Variants in CEP135 observed in about 807,000 individuals in gnomAD.
CEP135 encodes the protein centrosomal protein 135, also known as centrosomal protein of 135 kDa.
In CEP135, 142 loss-of-function variants were observed where a neutral mutation model predicts 157.3. The observed-to-expected ratio is 0.90, with a 90% CI of 0.79 to 1.04. CEP135 has a LOEUF of 1.04. CEP135 is among the 50% of genes least tolerant of loss of function. CEP135 has a pLI of 0.00. For missense variants in CEP135, 1,317 were observed against 1,309.2 expected, an observed-to-expected ratio of 1.01 and a Z score of -0.09; for synonymous variants, 396 against 439.8, an observed-to-expected ratio of 0.90 and a Z score of 1.25.
rs768158006 is a variant in CEP135, at chr4:55,981,211, C to CCTTTTTTTAATTTAGTGCCT, written c.1627-16_1627-15insCTTTTTTTAATTTAGTGCCT. 15 of 1,558,278 alleles carry CCTTTTTTTAATTTAGTGCCT rather than the reference C, an allele frequency of 9.6e-6. No individual in the cohort carries two copies. In the African/African-American group the frequency reaches 2.0e-4, roughly 20 times the overall value. ...ACTAAAGTGCCTTTTTAATTTATAT[C>CCTTTTTTTAATTTAGTGCCT]TTTTCATTCTTTAAGGCTCAGGAAG... On this transcript the variant is annotated splice_polypyrimidine_tract_variant and intron_variant, in intron 12 of 25. Transcript: ENST00000257287.
intron 12 of CEP135, among the ~76,000 whole-genome samples, chr4:55,980,706 A>G (rs1360612623): frequency 6.6e-6 from 1 of 152,166 alleles, no homozygotes; most frequent in Admixed American, 6.5e-5. Flanking sequence ...GGAAGAGGGA[A>G]TTGGTATTCA....
chr4:55,956,838 T>C (rs965448838), intron 4 of CEP135, among the ~76,000 whole-genome samples: 1 of 152,162 alleles, frequency 6.6e-6, no homozygotes, highest in Non-Finnish European at 1.5e-5. Context: ...GGTCTCGAAC[T>C]CCCAACCTCA....
chr4:55,994,638 C>T (rs1444396597), intron 15 of CEP135, among the ~76,000 whole-genome samples: 1 of 151,934 alleles, frequency 6.6e-6, no homozygotes, highest in African/African-American at 2.4e-5. Flanking sequence ...AGGCTTTTTC[C>T]ACCACATTTT....
In CEP135 at chr4:56,010,839, T is replaced by G. The variant is rs533241181; in HGVS notation, c.2506-573T>G. Among the ~76,000 whole-genome samples, 6 of 152,350 alleles carry G rather than the reference T, an allele frequency of 3.9e-5. No individual in the cohort carries two copies. The South Asian group carries it at 6.2e-4, about 16-fold the overall frequency. ...ATAAAGCATATTGATGAAATATGAA[T>G]GTTTTTTAATGTCAACCCCTGACCA... On this transcript the variant is annotated intron_variant, in intron 19 of 25. Transcript: ENST00000257287.
At chr4:56,004,814 G>T (rs886707723) in intron 17 of CEP135, among the ~76,000 whole-genome samples, 6 of 151,804 alleles carry the variant, frequency 4.0e-5, no homozygotes, top group African/African-American at 1.5e-4. Context: ...TGGGTTTCCT[G>T]TAGGCAGTAT....
Position 55,971,407 on chromosome 4 carries a change from AG to A in CEP135, c.1249+1del. ...AAAAAGTTGAAAGTTTTGCAGTTAC[AG>A]GTAAGATGTCAAATTTTGATAGCTA... ...SKKVESFAVT[E>X]RQLTLEVERM... On this transcript the variant is annotated frameshift_variant and splice_region_variant, in exon 10 of 26. Coordinates refer to ENST00000257287, the MANE Select transcript of CEP135 (RefSeq NM_025009.5). LOFTEE classifies it high-confidence loss of function. 1 of 1,587,642 alleles carries A rather than the reference AG, an allele frequency of 6.3e-7. No individual in the cohort carries two copies. Among genetic ancestry groups the A allele is most frequent in the Non-Finnish European group, 8.5e-7 (1 of 1,172,264 alleles).
At chr4:55,980,376 T>A (rs1012024594) in intron 12 of CEP135, 81 bp downstream of exon 12, 3 of 807,718 alleles carry the variant, frequency 3.7e-6, no homozygotes, top group African/African-American at 3.6e-5. Flanking sequence ...TCTTTCACAT[T>A]ACTATAATAT....
intron 19 of CEP135, among the ~76,000 whole-genome samples, chr4:56,010,811 A>G (rs945495278): frequency 3.3e-5 from 5 of 152,234 alleles, no homozygotes; most frequent in African/African-American, 1.2e-4. Flanking sequence ...CGTATTATTC[A>G]GCATAAAGCA....
In CEP135 at chr4:55,954,383, G is replaced by A; in HGVS notation, c.472G>A (p.Gly158Ser). ...TTTGCATGCTGTAGTACAAACTCCA[G>A]GTAAATCGATTCCTTCTCGAGACAA... ...KNLHAVVQTP[G>S]GKKRSIAFRR... Residue 158 changes from glycine (G) to serine (S), a missense_variant and splice_region_variant, in exon 4 of 26, where the codon GGT (glycine) becomes AGT (serine). Coordinates refer to ENST00000257287, the MANE Select transcript of CEP135 (RefSeq NM_025009.5). 6.3e-7 allele frequency: 1 copy of A among 1,583,930 alleles called. No individual in the cohort carries two copies. Among genetic ancestry groups the A allele is most frequent in the East Asian group, 2.3e-5 (1 of 44,072 alleles).
chr4:56,020,655 A>T (rs755514154), intron 23 of CEP135, 21 bp from the exon 24 acceptor site: 1 of 1,603,252 alleles, frequency 6.2e-7, no homozygotes, highest in Admixed American at 1.7e-5. Context: ...TTATTTCTTG[A>T]TTTTTTAATT....
At chr4:55,961,835 C>G (rs1728691611) in intron 6 of CEP135, among the ~76,000 whole-genome samples, 1 of 142,130 alleles carries the variant, frequency 7.0e-6, no homozygotes, top group African/African-American at 2.6e-5. Flanking sequence ...AACTTTCTAT[C>G]TCTACCTTTA....
rs559278161 is a variant in CEP135, at chr4:55,981,088, C to A, written c.1627-139C>A. On this transcript the variant is annotated intron_variant, in intron 12 of 25. Coordinates refer to ENST00000257287, the MANE Select transcript of CEP135 (RefSeq NM_025009.5). ...GTTTTATTATTCTTACTATTTTAAT[C>A]TTTTGTTGGGATTTGCGAAGAGAGT... The A allele has an allele frequency of 1.6e-4, 118 of 722,204 alleles. No individual in the cohort carries two copies. The African/African-American group carries it at 2.1e-3, about 13-fold the overall frequency. 44.7% of individuals were successfully genotyped at this position (722,204 alleles called of 1,614,324 possible). A position where few individuals can be genotyped will look rare whatever the true frequency, so the allele number is the denominator to read the frequency against.
chr4:55,999,439 T>G (rs1163568738), intron 16 of CEP135, 22 bp downstream of exon 16: 2 of 1,613,498 alleles, frequency 1.2e-6, no homozygotes, highest in Non-Finnish European at 1.7e-6. Context: ...AAAATTTTGT[T>G]TCTGCTAATC....
At chr4:55,974,474 T>C (rs1729126361) in intron 10 of CEP135, among the ~76,000 whole-genome samples, 1 of 152,206 alleles carries the variant, frequency 6.6e-6, no homozygotes. Context: ...TTGCTTCATT[T>C]TGTAGTACTG....
In CEP135 at chr4:55,994,766, A is replaced by C. The variant is rs544302470; in HGVS notation, c.2009+2681A>C. Among the ~76,000 whole-genome samples the C allele has an allele frequency of 2.7e-5, 4 of 150,086 alleles. No homozygotes were observed. The East Asian group carries it at 7.9e-4, about 30-fold the overall frequency. ...AGTGGCATGATCTTGGCTCACTGCA[A>C]CCTCTACCTCCCAGCTTCAAGCAAT... On this transcript the variant is annotated intron_variant, in intron 15 of 25. Transcript: ENST00000257287.
chr4:56,025,816 A>G lies in CEP135; in HGVS notation c.*11+1202A>G, dbSNP rs78579883. 8.0e-3 allele frequency among the ~76,000 whole-genome samples: 1,219 copies of G among 152,186 alleles called. 14 individuals carry two copies. The highest frequency in any genetic ancestry group is 0.028 in the African/African-American group (1,148 of 41,538). On this transcript the variant is annotated intron_variant, in intron 25 of 25. Coordinates refer to ENST00000257287, the MANE Select transcript of CEP135 (RefSeq NM_025009.5). ...TAATTTTTAAAGTAAACCATGAAAT[A>G]TATACAGAAAGGTACCATATCATAG...
chr4:56,011,373 G>T (rs753167628), intron 19 of CEP135, 39 bp from the exon 20 acceptor site: 23 of 1,288,436 alleles, frequency 1.8e-5, no homozygotes, highest in East Asian at 1.4e-4. Context: ...ATTTGGTGTT[G>T]TGTTCATTTT....
Position 55,971,288 on chromosome 4 carries a change from A to G in CEP135, c.1129A>G (p.Lys377Glu). The G allele has an allele frequency of 6.3e-7, 1 of 1,583,834 alleles. No homozygotes were observed. Among genetic ancestry groups the G allele is most frequent in the Non-Finnish European group, 8.5e-7 (1 of 1,170,322 alleles). The stretch of plus-strand genomic sequence containing the variant: ...TTTGCAGGAATTGAACTTATGCCAG[A>G]AAGAAAAGGAGAGACTGAGTGATGA... ...KLQLELNLCQKEKERLSDELL... is the reference protein window; with the variant it reads ...KLQLELNLCQEEKERLSDELL... Residue 377 changes from lysine (K) to glutamate (E), a missense_variant, in exon 10 of 26, where the codon AAA (lysine) becomes GAA (glutamate). Physicochemically the swap from Lys to Glu is moderately conservative, Grantham distance 56. Coordinates refer to ENST00000257287, the MANE Select transcript of CEP135 (RefSeq NM_025009.5).
chr4:56,007,233 A>G (rs903375636), intron 17 of CEP135, among the ~76,000 whole-genome samples: 10 of 152,108 alleles, frequency 6.6e-5, no homozygotes, highest in African/African-American at 2.4e-4. Context: ...TTGCTTAGAG[A>G]TTCTTCAAAC....
Sources: gnomAD v4.1 joint callset for allele counts (sites outside exome capture counted in the v4.1 genomes callset) on GRCh38, gnomAD v4.1.1 for gene constraint, MANE v1.5 for transcripts, NCBI Gene and HGNC (gene_info 2026-07-23, HGNC 2026-07-21) for gene names.